TAFA2: variants seen among roughly 807,000 people sequenced by gnomAD.
TAFA2 encodes TAFA chemokine like family member 2.
Under a neutral mutation model 18.8 loss-of-function variants are expected in TAFA2, and 7 were observed. The ratio of observed to expected loss-of-function variants is 0.37; its 90% CI spans 0.21 to 0.70. TAFA2 has a LOEUF of 0.70. Among genes scored for constraint, TAFA2 ranks in the 30% least tolerant of loss-of-function variants. The probability of loss-of-function intolerance (pLI) is 0.53; values close to 1 mark genes in which losing one functional copy is unlikely to be tolerated. For missense variants in TAFA2, 122 were observed against 158.1 expected, an observed-to-expected ratio of 0.77 and a Z score of 1.23; for synonymous variants, 60 against 54.2, an observed-to-expected ratio of 1.11 and a Z score of -0.47.
At chr12:61,890,679 C>A (rs1385839705) in intron 1 of TAFA2, among the ~76,000 whole-genome samples, 1 of 152,200 alleles carries the variant, frequency 6.6e-6, no homozygotes, top group Non-Finnish European at 1.5e-5. Context: ...GGCTACAAAT[C>A]ATTTTCTCTA....
chr12:62,005,886 G>A (rs183932858), intron 1 of TAFA2, among the ~76,000 whole-genome samples: 64 of 152,126 alleles, frequency 4.2e-4, no homozygotes, highest in Admixed American at 2.0e-4. Context: ...ACATGTCTGA[G>A]AAAGAAATAA....
At chr12:61,936,716 A>C (rs1226282600) in intron 1 of TAFA2, among the ~76,000 whole-genome samples, 4 of 152,180 alleles carry the variant, frequency 2.6e-5, no homozygotes, top group Admixed American at 1.3e-4. Flanking sequence ...CAATACACTG[A>C]ATAAAGAAAA....
chr12:62,240,419 AG>A (rs1473773160), intron 1 of TAFA2, among the ~76,000 whole-genome samples: 3 of 127,202 alleles, frequency 2.4e-5, no homozygotes, highest in African/African-American at 8.3e-5. Flanking sequence ...ACTCTGTCTC[AG>A]GGAAAAAAAA....
chr12:61,745,202 A>G (rs1202793835), intron 4 of TAFA2, among the ~76,000 whole-genome samples: 3 of 152,132 alleles, frequency 2.0e-5, no homozygotes, highest in African/African-American at 7.2e-5. Context: ...GTAGTTATTA[A>G]TGTAAAACAT....
At chr12:62,025,387 T>C (rs1881278678) in intron 1 of TAFA2, among the ~76,000 whole-genome samples, 1 of 152,192 alleles carries the variant, frequency 6.6e-6, no homozygotes, top group African/African-American at 2.4e-5. Flanking sequence ...AAACTGCACA[T>C]GTACCCCCAA....
At chr12:62,087,329 C>G (rs994867422) in intron 1 of TAFA2, among the ~76,000 whole-genome samples, 1 of 151,988 alleles carries the variant, frequency 6.6e-6, no homozygotes, top group Non-Finnish European at 1.5e-5. Flanking sequence ...ACGGTAAAAA[C>G]AAAGTATACA....
rs570797457 is a variant in TAFA2, at chr12:62,175,891, C to T, written c.-2+15368G>A. Among the ~76,000 whole-genome samples, 3 of 150,410 alleles carry T rather than the reference C, an allele frequency of 2.0e-5. No homozygotes were observed. In the East Asian group the frequency reaches 5.8e-4, roughly 29 times the overall value. On this transcript the variant is annotated intron_variant, in intron 1 of 4. Coordinates refer to ENST00000416284, the MANE Select transcript of TAFA2 (RefSeq NM_178539.5). ...TTATATATATATATATATTAAATTA[C>T]AAGAAAATTTGCCTGATACCTCTCA...
At chr12:62,004,112 A>G (rs1880468650) in intron 1 of TAFA2, among the ~76,000 whole-genome samples, 1 of 152,148 alleles carries the variant, frequency 6.6e-6, no homozygotes, top group Non-Finnish European at 1.5e-5. Flanking sequence ...AAATCATTAC[A>G]ATATTAAGCA....
chr12:61,730,486 T>A (rs1378678612), intron 4 of TAFA2, among the ~76,000 whole-genome samples: 1 of 151,974 alleles, frequency 6.6e-6, no homozygotes, highest in Non-Finnish European at 1.5e-5. Flanking sequence ...CAAGCTTACG[T>A]CTTTTGTCTT....
intron 1 of TAFA2, among the ~76,000 whole-genome samples, chr12:62,160,196 G>T (rs1299411385): frequency 6.6e-6 from 1 of 152,168 alleles, no homozygotes; most frequent in Admixed American, 6.5e-5. Flanking sequence ...TCCCACTAGA[G>T]ATGTCCCTGT....
intron 2 of TAFA2, among the ~76,000 whole-genome samples, chr12:61,817,594 T>C (rs113871413): frequency 0.02 from 3,047 of 152,234 alleles, 85 homozygotes; most frequent in African/African-American, 0.068. Flanking sequence ...AAAGTTAGTG[T>C]TTTAAAGAGG....
At position 61,793,402 on chromosome 12, in the gene TAFA2, A is replaced by G. The variant is rs546469248; in HGVS notation, c.107-38378T>C. Reference sequence around the variant, plus strand: ...AATGTTAGAAGAAAAAAAAAACTCCATAAGAAAAATTTTAAAAGTGATGGT... The same window carrying G: ...AATGTTAGAAGAAAAAAAAAACTCCGTAAGAAAAATTTTAAAAGTGATGGT... On this transcript the variant is annotated intron_variant, in intron 2 of 4. Coordinates refer to ENST00000416284, the MANE Select transcript of TAFA2 (RefSeq NM_178539.5). Among the ~76,000 whole-genome samples the G allele has an allele frequency of 1.8e-4, 27 of 151,676 alleles. 1 individual carries two copies. In the South Asian group the frequency reaches 4.6e-3, roughly 26 times the overall value.
intron 1 of TAFA2, among the ~76,000 whole-genome samples, chr12:61,990,669 T>C (rs1879977358): frequency 6.6e-6 from 1 of 152,184 alleles, no homozygotes; most frequent in Non-Finnish European, 1.5e-5. Flanking sequence ...AATATTTATA[T>C]CTATTCTGAC....
chr12:62,176,143 A>G lies in TAFA2; in HGVS notation c.-2+15116T>C, dbSNP rs540435911. On this transcript the variant is annotated intron_variant, in intron 1 of 4. Transcript: ENST00000416284. ...CTGCCTGCATTGTCATATTATTAGA[A>G]AAAATCTATTTACATATATATTTTG... is the stretch of plus-strand genomic sequence containing the variant. Among the ~76,000 whole-genome samples the G allele has an allele frequency of 2.0e-4, 30 of 152,294 alleles. No individual in the cohort carries two copies. In the South Asian group the frequency reaches 6.0e-3, roughly 30 times the overall value.
intron 1 of TAFA2, among the ~76,000 whole-genome samples, chr12:62,116,696 G>A (rs76770594): frequency 0.022 from 3,341 of 152,158 alleles, 128 homozygotes; most frequent in African/African-American, 0.076. Flanking sequence ...GCAGAACCTA[G>A]AACGGGACCT....
chr12:62,157,816 T>C (rs893341589), intron 1 of TAFA2, among the ~76,000 whole-genome samples: 18 of 152,172 alleles, frequency 1.2e-4, no homozygotes, highest in Admixed American at 3.9e-4. Flanking sequence ...ATCTGTCATA[T>C]CTTAACTGGG....
At position 62,159,146 on chromosome 12, in the gene TAFA2, C is replaced by T. The variant is rs547436744; in HGVS notation, c.-2+32113G>A. Among the ~76,000 whole-genome samples, 9 of 152,248 alleles carry T rather than the reference C, an allele frequency of 5.9e-5. No homozygotes were observed. In the East Asian group the frequency reaches 9.7e-4, roughly 16 times the overall value. ...AAGAGCTCTTCTGTTTCTGTAAATG[C>T]GTTAGATGTGGCTAAAAGACACGTT... On this transcript the variant is annotated intron_variant, in intron 1 of 4. Coordinates refer to ENST00000416284, the MANE Select transcript of TAFA2 (RefSeq NM_178539.5).
chr12:61,911,266 C>T (rs1365594733), intron 1 of TAFA2, among the ~76,000 whole-genome samples: 3 of 152,310 alleles, frequency 2.0e-5, no homozygotes, highest in South Asian at 2.1e-4. Flanking sequence ...ACTCTGTACT[C>T]CTACCTTCCC....
intron 4 of TAFA2, among the ~76,000 whole-genome samples, chr12:61,747,035 AC>A (rs1374774058): frequency 6.6e-6 from 1 of 152,036 alleles, no homozygotes; most frequent in Admixed American, 6.6e-5. Flanking sequence ...AAAACAAACA[AC>A]CCCATCAAAA....
Sources: gnomAD v4.1 joint callset for allele counts (sites outside exome capture counted in the v4.1 genomes callset) on GRCh38, gnomAD v4.1.1 for gene constraint, MANE v1.5 for transcripts, NCBI Gene and HGNC (gene_info 2026-07-23, HGNC 2026-07-21) for gene names.